MAP4K3: variants seen among roughly 807,000 people sequenced by gnomAD.
The protein encoded by MAP4K3 is mitogen-activated protein kinase kinase kinase kinase 3, also known as MAPK/ERK kinase kinase kinase 3.
In MAP4K3, 94 loss-of-function variants were observed where a neutral mutation model predicts 143.5. That is an observed-to-expected ratio of 0.65 (90% confidence interval 0.55 to 0.78). The LOEUF (loss-of-function observed/expected upper bound fraction) is 0.78, where lower values mean the gene tolerates loss of function less well. MAP4K3 is among the 30% of genes least tolerant of loss of function. The pLI is 0.00. For synonymous variants in MAP4K3, 416 were observed against 347.2 expected (o/e 1.20, Z -2.20); for missense variants, 1,077 against 1,068.1 (o/e 1.01, Z -0.12).
At chr2:39,436,055 A>G (rs1320021712) in intron 1 of MAP4K3, among the ~76,000 whole-genome samples, 1 of 152,170 alleles carries the variant, frequency 6.6e-6, no homozygotes, top group East Asian at 1.9e-4. Context: ...CTAAATCAAG[A>G]CTGCTGCCAC....
chr2:39,266,516 G>A (rs1179456265), intron 27 of MAP4K3, among the ~76,000 whole-genome samples: 1 of 151,654 alleles, frequency 6.6e-6, no homozygotes, highest in Non-Finnish European at 1.5e-5. Context: ...GCCTCCACAT[G>A]TTATGTCATT....
intron 1 of MAP4K3, among the ~76,000 whole-genome samples, chr2:39,395,642 C>CT (rs1251889930): frequency 6.6e-6 from 1 of 152,098 alleles, no homozygotes; most frequent in Non-Finnish European, 1.5e-5. Context: ...CCTATTTATC[C>CT]ATTACCATTT....
chr2:39,395,351 ACACACAC>A (rs1211379493), intron 1 of MAP4K3, among the ~76,000 whole-genome samples: 2 of 152,060 alleles, frequency 1.3e-5, no homozygotes, highest in Non-Finnish European at 2.9e-5. Flanking sequence ...ACACACACAC[ACACACAC>A]ATTTTTAAAA....
At chr2:39,421,557 G>A (rs966001962) in intron 1 of MAP4K3, among the ~76,000 whole-genome samples, 2 of 151,908 alleles carry the variant, frequency 1.3e-5, no homozygotes, top group African/African-American at 4.8e-5. Context: ...TTCTGTATCT[G>A]TAAAATGGAA....
At chr2:39,399,151 A>C (rs1314041653) in intron 1 of MAP4K3, among the ~76,000 whole-genome samples, 1 of 152,210 alleles carries the variant, frequency 6.6e-6, no homozygotes, top group East Asian at 1.9e-4. Context: ...TTAAAACTAA[A>C]GAACGTACTA....
intron 1 of MAP4K3, among the ~76,000 whole-genome samples, chr2:39,405,632 C>G (rs1011825175): frequency 4.6e-5 from 7 of 152,158 alleles, no homozygotes. Flanking sequence ...CTTTGAGAGG[C>G]TGAGACAGGA....
chr2:39,379,926 T>C (rs1165120564), intron 1 of MAP4K3: 2 of 159,228 alleles, frequency 1.3e-5, no homozygotes, highest in African/African-American at 4.8e-5. Context: ...CACAATGTAC[T>C]CTTCTAAAAA....
chr2:39,276,235 A>C (rs1681246849), intron 24 of MAP4K3, among the ~76,000 whole-genome samples: 1 of 152,176 alleles, frequency 6.6e-6, no homozygotes, highest in South Asian at 2.1e-4. Flanking sequence ...CAAACTCAGT[A>C]TGACCAAATT....
At chr2:39,365,877 C>A (rs1665908867) in intron 2 of MAP4K3, among the ~76,000 whole-genome samples, 1 of 152,186 alleles carries the variant, frequency 6.6e-6, no homozygotes, top group Non-Finnish European at 1.5e-5. Context: ...CTATTTTAAA[C>A]ACAGAGAAGT....
intron 7 of MAP4K3, 93 bp downstream of exon 7, chr2:39,333,439 G>A (rs910705312): frequency 1.1e-6 from 1 of 931,562 alleles, no homozygotes; most frequent in Non-Finnish European, 1.7e-6. Flanking sequence ...TGCCGTCTTA[G>A]GAGAGGGAAA....
At chr2:39,346,178 C>A (rs1325118085) in intron 3 of MAP4K3, among the ~76,000 whole-genome samples, 1 of 152,148 alleles carries the variant, frequency 6.6e-6, no homozygotes, top group African/African-American at 2.4e-5. Flanking sequence ...TCTTTCTAAT[C>A]CCCCAGAGAA....
chr2:39,334,046 AGGGTT>A (rs1460363256), intron 6 of MAP4K3, among the ~76,000 whole-genome samples: 1 of 151,222 alleles, frequency 6.6e-6, no homozygotes, highest in African/African-American at 2.4e-5. Context: ...CAATTGAACC[AGGGTT>A]GGTATGTGAG....
chr2:39,319,647 CAA>C (rs1422188760), intron 12 of MAP4K3, among the ~76,000 whole-genome samples: 1 of 152,078 alleles, frequency 6.6e-6, no homozygotes, highest in African/African-American at 2.4e-5. Flanking sequence ...AATTCAAAAT[CAA>C]GAGTCTAAAT....
intron 22 of MAP4K3, among the ~76,000 whole-genome samples, chr2:39,280,751 T>TA (rs1681481914): frequency 6.6e-6 from 1 of 152,160 alleles, no homozygotes; most frequent in African/African-American, 2.4e-5. Context: ...TCTTGTTTGG[T>TA]TTTATGAGCC....
chr2:39,393,532 A>T (rs1666724342), intron 1 of MAP4K3, among the ~76,000 whole-genome samples: 1 of 152,128 alleles, frequency 6.6e-6, no homozygotes, highest in African/African-American at 2.4e-5. Context: ...TAAAATTTTA[A>T]TTTTTTAAAA....
chr2:39,391,273 G>C (rs1045600121), intron 1 of MAP4K3, among the ~76,000 whole-genome samples: 11 of 143,820 alleles, frequency 7.6e-5, no homozygotes, highest in Non-Finnish European at 3.0e-5. Flanking sequence ...GCAGGAGAAT[G>C]GCGTGAACCC....
Position 39,337,595 on chromosome 2 carries a change from C to A in MAP4K3, c.311-14G>T, listed in dbSNP as rs771925609. 2 of 1,581,614 alleles carry A rather than the reference C, an allele frequency of 1.3e-6. No individual in the cohort carries two copies. The highest frequency in any genetic ancestry group is 1.1e-5 in the South Asian group (1 of 89,514). On this transcript the variant is annotated splice_polypyrimidine_tract_variant and intron_variant, in intron 4 of 33. Transcript: ENST00000263881. Reference sequence around the variant, plus strand: ...GAGGTCCAGTTACTGTAAAAGAAGACAATTAATACTCATAAAATTAGTCAA... The same window carrying A: ...GAGGTCCAGTTACTGTAAAAGAAGAAAATTAATACTCATAAAATTAGTCAA...
intron 2 of MAP4K3, among the ~76,000 whole-genome samples, chr2:39,357,576 T>G (rs902009961): frequency 1.3e-5 from 2 of 152,126 alleles, no homozygotes; most frequent in African/African-American, 4.8e-5. Flanking sequence ...GAAGAGACAG[T>G]TGTTATGTTG....
rs749056918 is a variant in MAP4K3 at position 39,307,892 on chromosome 2, CAATT to C, written c.1119+47_1119+50del. 39 of 1,368,994 alleles carry C rather than the reference CAATT, an allele frequency of 2.8e-5. No homozygotes were observed. In the Admixed American group the frequency reaches 4.6e-4, roughly 16 times the overall value. The allele number at this position is 1,368,994 out of a possible 1,614,324, so 84.8% of individuals were successfully genotyped here. A position where few individuals can be genotyped will look rare whatever the true frequency, so the allele number is the denominator to read the frequency against. ...CAAAATGTTTGATCTTAAAAGAAAA[CAATT>C]AAGACTAAAACAATGCTGACAAAGA... is the stretch of plus-strand genomic sequence containing the variant. On this transcript the variant is annotated intron_variant, in intron 15 of 33. Transcript: ENST00000263881.
Sources: gnomAD v4.1 joint callset for allele counts (sites outside exome capture counted in the v4.1 genomes callset) on GRCh38, gnomAD v4.1.1 for gene constraint, MANE v1.5 for transcripts, NCBI Gene and HGNC (gene_info 2026-07-23, HGNC 2026-07-21) for gene names.